The following FAF1 variants were observed in gnomAD, a reference collection of about 807,000 sequenced individuals.
FAF1 encodes the protein FAS-associated factor 1.
A neutral mutation model predicts 92.5 loss-of-function variants in FAF1; 25 were observed. The observed-to-expected ratio is 0.27, with a 90% confidence interval of 0.20 to 0.38. FAF1 has a LOEUF of 0.38. Ranked by LOEUF, FAF1 falls within the 10% of genes least tolerant of loss-of-function variation. FAF1 has a pLI of 1.00. For synonymous variants in FAF1, 234 were observed against 273.2 expected (o/e 0.86, Z 1.42); for missense variants, 636 against 793.3 (o/e 0.80, Z 2.38).
intron 7 of FAF1, among the ~76,000 whole-genome samples, chr1:50,663,422 T>C (rs574371074): frequency 6.7e-6 from 1 of 150,136 alleles, no homozygotes; most frequent in East Asian, 1.9e-4. Context: ...TCAATTTTTT[T>C]TTTTTTTTTT....
At chr1:50,555,196 C>T (rs1019075368) in intron 13 of FAF1, among the ~76,000 whole-genome samples, 5 of 151,524 alleles carry the variant, frequency 3.3e-5, no homozygotes, top group African/African-American at 1.2e-4. Flanking sequence ...GCATTCCAGC[C>T]CAGGTGACAG....
intron 1 of FAF1, among the ~76,000 whole-genome samples, chr1:50,873,120 G>A (rs953266140): frequency 6.6e-6 from 1 of 152,170 alleles, no homozygotes; most frequent in South Asian, 2.1e-4. Context: ...TGAAGGCTCA[G>A]GTGATAATTA....
chr1:50,744,859 T>C (rs531200318), intron 4 of FAF1, 84 bp from the exon 5 acceptor site: 1 of 722,712 alleles, frequency 1.4e-6, no homozygotes, highest in Non-Finnish European at 2.4e-6. Context: ...CACTAATATG[T>C]GGCATACAGT....
intron 2 of FAF1, among the ~76,000 whole-genome samples, chr1:50,817,057 T>A (rs548172213): frequency 1.6e-4 from 25 of 152,288 alleles, no homozygotes; most frequent in African/African-American, 6.0e-4. Context: ...GTTTTTGTAC[T>A]AGTACCATGG....
intron 2 of FAF1, among the ~76,000 whole-genome samples, chr1:50,842,263 G>A (rs1300791828): frequency 1.3e-5 from 2 of 152,024 alleles, no homozygotes; most frequent in Non-Finnish European, 2.9e-5. Context: ...GGTTGATGCA[G>A]CCCAAATGGT....
At chr1:50,447,142 T>C (rs1027329296) in intron 18 of FAF1, among the ~76,000 whole-genome samples, 43 of 145,120 alleles carry the variant, frequency 3.0e-4, no homozygotes, top group Non-Finnish European at 8.9e-5. Flanking sequence ...TTTTTTTTTT[T>C]TGAGATGGAG....
chr1:50,584,062 T>C (rs1572849758), intron 10 of FAF1, among the ~76,000 whole-genome samples: 2 of 152,248 alleles, frequency 1.3e-5, no homozygotes, highest in Admixed American at 6.5e-5. Context: ...TTATATTAAA[T>C]GGGTCTGATA....
At position 50,567,025 on chromosome 1, in the gene FAF1, GA is replaced by G. The variant is rs1028002185; in HGVS notation, c.1268+51del. 33 of 1,333,774 alleles carry G rather than the reference GA, an allele frequency of 2.5e-5. No homozygotes were observed. In the Middle Eastern group the frequency reaches 7.8e-4, roughly 31 times the overall value. 82.6% of individuals were successfully genotyped at this position (1,333,774 alleles called of 1,614,324 possible). A position where few individuals can be genotyped will look rare whatever the true frequency, so the allele number is the denominator to read the frequency against. ...TGTTTATGATGATGATAAACACAAT[GA>G]TTTTTTTTTTAATAGAAGCCCAACT... On this transcript the variant is annotated intron_variant, in intron 13 of 18. Coordinates refer to ENST00000396153, the MANE Select transcript of FAF1 (RefSeq NM_007051.3).
At chr1:50,778,801 C>T (rs1040860778) in intron 4 of FAF1, among the ~76,000 whole-genome samples, 2 of 151,816 alleles carry the variant, frequency 1.3e-5, no homozygotes, top group African/African-American at 4.8e-5. Flanking sequence ...GCCTGAGTGA[C>T]AGAGCAAGAC....
At chr1:50,631,851 T>C (rs1041138622) in intron 8 of FAF1, among the ~76,000 whole-genome samples, 3 of 152,166 alleles carry the variant, frequency 2.0e-5, no homozygotes, top group African/African-American at 7.2e-5. Context: ...CCAGAAAGCA[T>C]TGAACCTATA....
intron 18 of FAF1, among the ~76,000 whole-genome samples, chr1:50,442,433 A>G (rs936130317): frequency 1.3e-5 from 2 of 152,238 alleles, no homozygotes; most frequent in African/African-American, 2.4e-5. Flanking sequence ...ACTCATTGTG[A>G]GAATTAAATG....
At position 50,818,587 on chromosome 1, in the gene FAF1, T is replaced by C. The variant is rs1032633193; in HGVS notation, c.115-16910A>G. 3.9e-5 allele frequency among the ~76,000 whole-genome samples: 6 copies of C among 152,350 alleles called. No homozygotes were observed. The East Asian group carries it at 9.6e-4, about 24-fold the overall frequency. On this transcript the variant is annotated intron_variant, in intron 2 of 18. Transcript: ENST00000396153. ...ATATGGATAAATCTCTCAGACATTA[T>C]GTTGAGTGAACAATGCCAGGTATAA...
chr1:50,490,462 A>C, intron 17 of FAF1, 126 bp downstream of exon 17: 1 of 568,262 alleles, frequency 1.8e-6, no homozygotes. Context: ...GAAGGAAGGA[A>C]AAAGAAAGAA....
intron 1 of FAF1, among the ~76,000 whole-genome samples, chr1:50,858,946 T>C (rs1435212432): frequency 1.3e-5 from 2 of 151,800 alleles, no homozygotes; most frequent in African/African-American, 4.8e-5. Context: ...TTAACCACAA[T>C]TAAGTATACT....
chr1:50,511,891 T>A (rs1263353057), intron 15 of FAF1, among the ~76,000 whole-genome samples: 1 of 152,168 alleles, frequency 6.6e-6, no homozygotes, highest in African/African-American at 2.4e-5. Context: ...TTTCTCCACA[T>A]CCTCTGTAGT....
chr1:50,927,195 G>A (rs945710693), intron 1 of FAF1, among the ~76,000 whole-genome samples: 4 of 152,178 alleles, frequency 2.6e-5, no homozygotes, highest in Non-Finnish European at 5.9e-5. Context: ...AACAATGTGA[G>A]GGTACTTAAT....
Position 50,819,766 on chromosome 1 carries a change from TATATATATATAC to T in FAF1, c.115-18101_115-18090del, listed in dbSNP as rs1196535419. 3.9e-4 allele frequency among the ~76,000 whole-genome samples: 23 copies of T among 59,728 alleles called. 3 individuals carry two copies. The highest frequency in any genetic ancestry group is 1.6e-3 in the African/African-American group (23 of 14,456). 39.2% of individuals were successfully genotyped at this position (59,728 alleles called of 152,430 possible). A position where few individuals can be genotyped will look rare whatever the true frequency, so the allele number is the denominator to read the frequency against. On this transcript the variant is annotated intron_variant, in intron 2 of 18. Transcript: ENST00000396153. The stretch of plus-strand genomic sequence containing the variant: ...ATATATATATACATATATATATACG[TATATATATATAC>T]ATATATATACATATATATATATACA...
intron 7 of FAF1, among the ~76,000 whole-genome samples, chr1:50,662,086 C>A (rs1167957617): frequency 6.6e-6 from 1 of 152,066 alleles, no homozygotes; most frequent in Non-Finnish European, 1.5e-5. Flanking sequence ...GAATTCAAAT[C>A]AGAAATCAAT....
At chr1:50,908,701 CTT>C (rs561269046) in intron 1 of FAF1, among the ~76,000 whole-genome samples, 1 of 150,292 alleles carries the variant, frequency 6.7e-6, no homozygotes, top group African/African-American at 2.4e-5. Context: ...CAACCCCTGC[CTT>C]TTTTTTTGCT....
Sources: gnomAD v4.1 joint callset for allele counts (sites outside exome capture counted in the v4.1 genomes callset) on GRCh38, gnomAD v4.1.1 for gene constraint, MANE v1.5 for transcripts, NCBI Gene and HGNC (gene_info 2026-07-23, HGNC 2026-07-21) for gene names.